The following LINGO2 variants were observed in gnomAD, a reference collection of about 807,000 sequenced individuals.
LINGO2 encodes leucine rich repeat and Ig domain containing 2.
LINGO2 carries 14 observed loss-of-function variants against 30.6 expected under a neutral mutation model. The ratio of observed to expected loss-of-function variants is 0.46; its 90% CI spans 0.30 to 0.72. The LOEUF (loss-of-function observed/expected upper bound fraction) is 0.72, where lower values mean the gene tolerates loss of function less well. Ranked by LOEUF, LINGO2 falls within the 30% of genes least tolerant of loss-of-function variation. The pLI is 0.07. For missense variants in LINGO2, 729 were observed against 751.7 expected (o/e 0.97, Z 0.35); for synonymous variants, 317 against 288.5 (o/e 1.10, Z -1.00).
At chr9:28,212,123 T>G (rs556522011) in intron 4 of LINGO2, among the ~76,000 whole-genome samples, 1 of 151,566 alleles carries the variant, frequency 6.6e-6, no homozygotes, top group East Asian at 1.9e-4. Flanking sequence ...AACTTTGAGC[T>G]TTGTCTTTCC....
chr9:29,094,179 G>C, the LINGO2 span, among the ~76,000 whole-genome samples: 1 of 138,352 alleles, frequency 7.2e-6, no homozygotes, highest in Admixed American at 7.4e-5. Context: ...AAAAAGTCTA[G>C]AAAAGTAAGT....
At chr9:28,954,578 T>G in the LINGO2 span, among the ~76,000 whole-genome samples, 1 of 152,090 alleles carries the variant, frequency 6.6e-6, no homozygotes, top group South Asian at 2.1e-4. Flanking sequence ...ATTCTGGAAA[T>G]TTTACCTACC....
At chr9:28,023,514 T>C (rs771823366) in intron 4 of LINGO2, among the ~76,000 whole-genome samples, 7 of 152,204 alleles carry the variant, frequency 4.6e-5, no homozygotes, top group Non-Finnish European at 8.8e-5. Context: ...AAATGTTCTA[T>C]ACTCTTATGA....
the LINGO2 span, among the ~76,000 whole-genome samples, chr9:28,719,220 C>A: frequency 6.6e-6 from 1 of 152,166 alleles, no homozygotes; most frequent in African/African-American, 2.4e-5. Flanking sequence ...CTTGATTCTA[C>A]CCGTTTGTGT....
chr9:29,060,810 T>C, the LINGO2 span, among the ~76,000 whole-genome samples: 1 of 150,336 alleles, frequency 6.7e-6, no homozygotes, highest in African/African-American at 2.4e-5. Context: ...AAGAGTGAAG[T>C]TGAAAGAAAT....
chr9:29,019,192 T>G, the LINGO2 span, among the ~76,000 whole-genome samples: 16 of 152,174 alleles, frequency 1.1e-4, no homozygotes, highest in Admixed American at 9.8e-4. Flanking sequence ...AGGTACACCA[T>G]GTACTGCAAG....
chr9:28,804,813 C>T, the LINGO2 span, among the ~76,000 whole-genome samples: 1 of 152,052 alleles, frequency 6.6e-6, no homozygotes, highest in Admixed American at 6.6e-5. Context: ...ATCATTTTTA[C>T]CATTTTTATT....
At chr9:28,829,254 C>T in the LINGO2 span, among the ~76,000 whole-genome samples, 1 of 152,160 alleles carries the variant, frequency 6.6e-6, no homozygotes, top group Admixed American at 6.5e-5. Context: ...ATCCCCTTTC[C>T]AGGCCCCCTT....
chr9:28,069,926 G>A (rs1416880948), intron 4 of LINGO2, among the ~76,000 whole-genome samples: 1 of 152,114 alleles, frequency 6.6e-6, no homozygotes, highest in Non-Finnish European at 1.5e-5. Context: ...GGTGAGTGTC[G>A]CCATTGCACT....
At chr9:28,680,395 C>G in the LINGO2 span, among the ~76,000 whole-genome samples, 1 of 152,146 alleles carries the variant, frequency 6.6e-6, no homozygotes, top group South Asian at 2.1e-4. Context: ...CATATCTTGG[C>G]CATTGTGAAT....
chr9:29,160,154 G>A, the LINGO2 span, among the ~76,000 whole-genome samples: 1 of 152,334 alleles, frequency 6.6e-6, no homozygotes, highest in South Asian at 2.1e-4. Context: ...GTAGGGAGGA[G>A]ATGAAGCTAA....
At chr9:28,315,863 G>T (rs1186946125) in intron 3 of LINGO2, among the ~76,000 whole-genome samples, 2 of 152,048 alleles carry the variant, frequency 1.3e-5, no homozygotes, top group Non-Finnish European at 2.9e-5. Flanking sequence ...CTTAGTATAG[G>T]GTATAATAAT....
chr9:28,970,938 G>T, the LINGO2 span, among the ~76,000 whole-genome samples: 1 of 152,152 alleles, frequency 6.6e-6, no homozygotes, highest in African/African-American at 2.4e-5. Flanking sequence ...CGTCCCTAAA[G>T]CCCAGGTTGT....
the LINGO2 span, among the ~76,000 whole-genome samples, chr9:29,124,233 T>A: frequency 6.6e-6 from 1 of 152,162 alleles, no homozygotes; most frequent in Non-Finnish European, 1.5e-5. Context: ...ACTGGACCCC[T>A]TCTATTACAC....
At chr9:28,240,873 A>G in intron 4 of LINGO2, among the ~76,000 whole-genome samples, 1 of 152,234 alleles carries the variant, frequency 6.6e-6, no homozygotes, top group African/African-American at 2.4e-5. Flanking sequence ...AAAAGAATCA[A>G]GAAAGTGAAG....
intron 2 of LINGO2, among the ~76,000 whole-genome samples, chr9:28,405,613 T>G (rs1337820656): frequency 6.6e-6 from 1 of 152,210 alleles, no homozygotes; most frequent in Non-Finnish European, 1.5e-5. Context: ...ATATACACAT[T>G]CTAGAAGTAA....
intron 4 of LINGO2, among the ~76,000 whole-genome samples, chr9:28,135,659 A>G (rs769565033): frequency 6.6e-6 from 1 of 152,026 alleles, no homozygotes; most frequent in African/African-American, 2.4e-5. Flanking sequence ...TACAAATTTC[A>G]AGTCTTGCTG....
At chr9:28,993,298 C>T in the LINGO2 span, among the ~76,000 whole-genome samples, 1 of 152,116 alleles carries the variant, frequency 6.6e-6, no homozygotes. Flanking sequence ...CACATACACC[C>T]TCCCAAGACT....
chr9:29,114,605 ATG>A, the LINGO2 span, among the ~76,000 whole-genome samples: 2 of 121,518 alleles, frequency 1.6e-5, no homozygotes, highest in Non-Finnish European at 3.2e-5. Context: ...TCCTGTGTCT[ATG>A]TGTTCTCATT....
Sources: gnomAD v4.1 joint callset for allele counts (sites outside exome capture counted in the v4.1 genomes callset) on GRCh38, gnomAD v4.1.1 for gene constraint, MANE v1.5 for transcripts, NCBI Gene and HGNC (gene_info 2026-07-23, HGNC 2026-07-21) for gene names.